PDE6B: variants seen among roughly 807,000 people sequenced by gnomAD.
PDE6B encodes the protein phosphodiesterase 6B, also known as rod cGMP-specific 3',5'-cyclic phosphodiesterase subunit beta.
Under a neutral mutation model 109.0 loss-of-function variants are expected in PDE6B, and 106 were observed. That is an observed-to-expected ratio of 0.97 (90% CI 0.83 to 1.14). PDE6B has a LOEUF of 1.14. Ranked by LOEUF, PDE6B falls within the 50% of genes most tolerant of loss-of-function variation. The pLI is 0.00. For missense variants in PDE6B, 1,193 were observed against 1,155.6 expected (o/e 1.03, Z -0.47); for synonymous variants, 490 against 471.3 (o/e 1.04, Z -0.51).
intron 3 of PDE6B, chr4:653,407 T>G: frequency 2.1e-6 from 2 of 973,290 alleles, no homozygotes; most frequent in Non-Finnish European, 2.6e-6. Context: ...CAGGACCTCG[T>G]GGAGTGCGTC....
chr4:665,002 C>A lies in PDE6B; in HGVS notation c.2193+58C>A. 7.3e-7 allele frequency: 1 copy of A among 1,363,614 alleles called. No homozygotes were observed. The highest frequency in any genetic ancestry group is 2.3e-5 in the East Asian group (1 of 43,684). The allele number at this position is 1,363,614 out of a possible 1,614,324, so 84.5% of individuals were successfully genotyped here. A position where few individuals can be genotyped will look rare whatever the true frequency, so the allele number is the denominator to read the frequency against. ...AGTGCCTCTCAGCACATGGGACTGCCGGGCGGGCGGGAGCCTCGGATGGCA... is the reference window on the plus strand; with the variant it reads ...AGTGCCTCTCAGCACATGGGACTGCAGGGCGGGCGGGAGCCTCGGATGGCA... On this transcript the variant is annotated intron_variant, in intron 18 of 21. Coordinates refer to ENST00000496514, the MANE Select transcript of PDE6B (RefSeq NM_000283.4). This position sits in a 1 kb window ranked among gnomAD's most constrained non-coding sequence, Gnocchi z 4.0.
At chr4:631,191 A>G (rs1560102051) in intron 1 of PDE6B, among the ~76,000 whole-genome samples, 4 of 152,250 alleles carry the variant, frequency 2.6e-5, no homozygotes, top group African/African-American at 9.6e-5. Flanking sequence ...GTAGGCCACA[A>G]GAGAGAGGCA....
chr4:652,471 G>A (rs1735668700), intron 3 of PDE6B: 7 of 984,348 alleles, frequency 7.1e-6, no homozygotes, highest in East Asian at 1.1e-4. Flanking sequence ...CAAAGCGTTC[G>A]TTAGCTGGAG....
chr4:653,983 C>G lies in PDE6B; in HGVS notation c.843C>G (p.Thr281=). Residue 281 remains threonine, a synonymous_variant, in exon 4 of 22, where the codon ACC becomes ACG. Coordinates refer to ENST00000496514, the MANE Select transcript of PDE6B (RefSeq NM_000283.4). ...ACTCCGTGGGCCTCCTGGACATGAC[C>G]AAGGAGAAGGTGAGGCTTCCGTGGC... ...ERYSVGLLDM[T]KEKEFFDVWS... 1 of 1,613,858 alleles carries G rather than the reference C, an allele frequency of 6.2e-7. No individual in the cohort carries two copies.
Position 665,034 on chromosome 4 carries a change from C to T in PDE6B, c.2193+90C>T. 2 of 1,105,024 alleles carry T rather than the reference C, an allele frequency of 1.8e-6. No homozygotes were observed. Among genetic ancestry groups the T allele is most frequent in the Non-Finnish European group, 2.8e-6 (2 of 722,746 alleles). 68.5% of individuals were successfully genotyped at this position (1,105,024 alleles called of 1,614,324 possible). A position where few individuals can be genotyped will look rare whatever the true frequency, so the allele number is the denominator to read the frequency against. On this transcript the variant is annotated intron_variant, in intron 18 of 21. Coordinates refer to ENST00000496514, the MANE Select transcript of PDE6B (RefSeq NM_000283.4). The surrounding 1 kb of genome is among the most constrained non-coding windows in gnomAD (Gnocchi z 4.0). ...GCGGGAGCCTCGGATGGCAACGGAC[C>T]ATTGTTTGCAAGGAGCTCTGAGGGC...
chr4:666,448 A>G lies in PDE6B; in HGVS notation c.2269-83A>G. 1 of 864,088 alleles carries G rather than the reference A, an allele frequency of 1.2e-6. No individual in the cohort carries two copies. The highest frequency in any genetic ancestry group is 2.0e-6 in the Non-Finnish European group (1 of 502,952). The allele number at this position is 864,088 out of a possible 1,614,324, so 53.5% of individuals were successfully genotyped here. On this transcript the variant is annotated intron_variant, in intron 19 of 21. Transcript: ENST00000496514. This position sits in a 1 kb window ranked among gnomAD's most constrained non-coding sequence, Gnocchi z 5.6. Reference sequence around the variant, plus strand: ...GGCTGTGTCTCCATGAGCACATCTGAGTGAGGGGGTCGGGGGGCTGGGCGG... The same window carrying G: ...GGCTGTGTCTCCATGAGCACATCTGGGTGAGGGGGTCGGGGGGCTGGGCGG...
At position 654,010 on chromosome 4, in the gene PDE6B, C is replaced by T; in HGVS notation, c.852+18C>T. On this transcript the variant is annotated intron_variant, in intron 4 of 21. Transcript: ENST00000496514. ...AGGAGAAGGTGAGGCTTCCGTGGCTCAGGGACCCCCTGCCTGGCCCGACCC... is the reference window on the plus strand; with the variant it reads ...AGGAGAAGGTGAGGCTTCCGTGGCTTAGGGACCCCCTGCCTGGCCCGACCC... 1 of 1,613,714 alleles carries T rather than the reference C, an allele frequency of 6.2e-7. No individual in the cohort carries two copies. Among genetic ancestry groups the T allele is most frequent in the Non-Finnish European group, 8.5e-7 (1 of 1,179,986 alleles).
chr4:654,074 G>A lies in PDE6B; in HGVS notation c.853-6G>A, dbSNP rs1430501446. ...ACCGCCCCACCCTCACCTCTTCTCT[G>A]CCCAGGAATTTTTTGACGTGTGGTC... On this transcript the variant is annotated splice_region_variant and splice_polypyrimidine_tract_variant and intron_variant, in intron 4 of 21. Transcript: ENST00000496514. 2 of 1,613,742 alleles carry A rather than the reference G, an allele frequency of 1.2e-6. No individual in the cohort carries two copies. Among genetic ancestry groups the A allele is most frequent in the Non-Finnish European group, 1.7e-6 (2 of 1,180,020 alleles).
chr4:638,464 A>G (rs1325926305), intron 3 of PDE6B, among the ~76,000 whole-genome samples: 1 of 152,032 alleles, frequency 6.6e-6, no homozygotes, highest in Non-Finnish European at 1.5e-5. Context: ...CTGGGATTAC[A>G]GGCGCCCACC....
chr4:634,801 G>A lies in PDE6B; in HGVS notation c.593G>A (p.Gly198Asp). ...ATCATGGCAGTGAACAAGCTCAACG[G>A]CCCATTCTTCACCAGCGAAGACGAA... ...AVIMAVNKLNGPFFTSEDEDV... is the reference protein window; with the variant it reads ...AVIMAVNKLNDPFFTSEDEDV... Residue 198 changes from glycine (G) to aspartate (D), a missense_variant, in exon 2 of 22, where the codon GGC becomes GAC. Physicochemically the swap from Gly to Asp is moderately conservative, Grantham distance 94. Transcript: ENST00000496514. The A allele has an allele frequency of 5.0e-6, 8 of 1,613,942 alleles. No individual in the cohort carries two copies. Among genetic ancestry groups the A allele is most frequent in the Non-Finnish European group, 6.8e-6 (8 of 1,179,846 alleles).
In PDE6B at chr4:664,708, C is replaced by G. The variant is rs183777469; in HGVS notation, c.2130-173C>G. On this transcript the variant is annotated intron_variant, in intron 17 of 21. Transcript: ENST00000496514. ...GCGGGCGCCTGTAATCCCAGCTACT[C>G]GGGAGGCTGAGGCACAAGAATCGGG... is the stretch of plus-strand genomic sequence containing the variant. Among the ~76,000 whole-genome samples the G allele has an allele frequency of 2.0e-4, 31 of 152,222 alleles. No homozygotes were observed. The East Asian group carries it at 6.0e-3, about 29-fold the overall frequency.
rs1212824992 is a variant in PDE6B, at chr4:656,088, G to T, written c.1059+82G>T. ...GTGTGCTTCTCCTTGTCTCTGCCAC[G>T]TCCCGCCCTCCCGGCCAGCTCCACG... On this transcript the variant is annotated intron_variant, in intron 7 of 21. Coordinates refer to ENST00000496514, the MANE Select transcript of PDE6B (RefSeq NM_000283.4). The T allele has an allele frequency of 4.0e-5, 43 of 1,062,806 alleles. 2 individuals are homozygous for T. The South Asian group carries it at 4.6e-4, about 11-fold the overall frequency. The allele number at this position is 1,062,806 out of a possible 1,614,324, so 65.8% of individuals were successfully genotyped here. A position where few individuals can be genotyped will look rare whatever the true frequency, so the allele number is the denominator to read the frequency against.
intron 3 of PDE6B, among the ~76,000 whole-genome samples, chr4:647,804 G>A (rs1735280929): frequency 6.6e-6 from 1 of 152,068 alleles, no homozygotes; most frequent in Admixed American, 6.5e-5. Flanking sequence ...CAGGTGTGAT[G>A]GCTCATGCCT....
In PDE6B at chr4:666,196, C is replaced by T. The variant is rs1737777259; in HGVS notation, c.2269-335C>T. On this transcript the variant is annotated intron_variant, in intron 19 of 21. Transcript: ENST00000496514. The surrounding 1 kb of genome is among the most constrained non-coding windows in gnomAD (Gnocchi z 5.6). ...AGTGTCTGGGCAGTGCAGCCCAGCC[C>T]GGCTCAGCACTGTGTACAGCCCATC... Among the ~76,000 whole-genome samples the T allele has an allele frequency of 2.0e-5, 3 of 152,154 alleles. 1 individual carries two copies. In the South Asian group the frequency reaches 6.2e-4, roughly 31 times the overall value.
intron 20 of PDE6B, among the ~76,000 whole-genome samples, 170 bp from the exon 21 acceptor site, chr4:667,686 C>T (rs982308376): frequency 1.3e-5 from 2 of 152,228 alleles, no homozygotes; most frequent in African/African-American, 4.8e-5. Context: ...ACACAGCCCC[C>T]GAGGTTTCTC....
Position 655,691 on chromosome 4 carries a change from A to G in PDE6B, c.993-249A>G, listed in dbSNP as rs143316218. 6.9e-4 allele frequency: 411 copies of G among 592,572 alleles called. 3 individuals are homozygous for G. The East Asian group carries it at 0.012, about 17-fold the overall frequency. 36.7% of individuals were successfully genotyped at this position (592,572 alleles called of 1,614,324 possible). A position where few individuals can be genotyped will look rare whatever the true frequency, so the allele number is the denominator to read the frequency against. On this transcript the variant is annotated intron_variant, in intron 6 of 21. Coordinates refer to ENST00000496514, the MANE Select transcript of PDE6B (RefSeq NM_000283.4). ...ATGCTGAGGATGGCACATGAGCCAGAGACCCCCAGACCCCTGCACACACGC... is the reference window on the plus strand; with the variant it reads ...ATGCTGAGGATGGCACATGAGCCAGGGACCCCCAGACCCCTGCACACACGC...
chr4:655,717 C>T (rs531967210), intron 6 of PDE6B: 1 of 633,384 alleles, frequency 1.6e-6, no homozygotes, highest in African/African-American at 1.8e-5. Context: ...GCACACACGC[C>T]CAGTCCATCT....
Position 636,811 on chromosome 4 carries a change from C to T in PDE6B, c.711+842C>T, listed in dbSNP as rs892787365. Among the ~76,000 whole-genome samples the T allele has an allele frequency of 2.0e-5, 3 of 152,204 alleles. No homozygotes were observed. The highest frequency in any genetic ancestry group is 2.9e-5 in the Non-Finnish European group (2 of 68,028). ...TGGGTTTAGGGGCCTCCTCCTGGCC[C>T]CAGGGCTGCCTCAGGGGCAGTCTGG... On this transcript the variant is annotated intron_variant, in intron 3 of 21. Coordinates refer to ENST00000496514, the MANE Select transcript of PDE6B (RefSeq NM_000283.4). This position sits in a 1 kb window ranked among gnomAD's most constrained non-coding sequence, Gnocchi z 4.5.
chr4:669,416 G>A (rs1348015971), intron 21 of PDE6B, among the ~76,000 whole-genome samples: 9 of 27,214 alleles, frequency 3.3e-4, no homozygotes, highest in East Asian at 9.8e-4. Flanking sequence ...TGCTATTCCC[G>A]CTACCCCATG....
Sources: allele counts gnomAD v4.1 joint callset (sites outside exome capture counted in the v4.1 genomes callset), GRCh38; gene constraint gnomAD v4.1.1; non-coding constraint Gnocchi (gnomAD v3.1); transcripts MANE v1.5; gene names NCBI Gene and HGNC (gene_info 2026-07-23, HGNC 2026-07-21).